The following PGCKA1 variants were observed in gnomAD, a reference collection of about 807,000 sequenced individuals.
PGCKA1 encodes the protein PDCD10 and GCKIII kinases-associated protein 1.
the PGCKA1 span, among the ~76,000 whole-genome samples, chr4:37,489,037 A>C: frequency 1.3e-5 from 2 of 152,166 alleles, no homozygotes; most frequent in Admixed American, 1.3e-4. Flanking sequence ...CACCTGTGAT[A>C]ATTGAGTATG....
the PGCKA1 span, among the ~76,000 whole-genome samples, chr4:37,488,764 C>G: frequency 6.6e-6 from 1 of 152,094 alleles, no homozygotes; most frequent in African/African-American, 2.4e-5. Context: ...GTGATTATCT[C>G]CCCGCTTTCC....
the PGCKA1 span, among the ~76,000 whole-genome samples, chr4:37,516,682 T>C: frequency 6.6e-6 from 1 of 152,196 alleles, no homozygotes; most frequent in Non-Finnish European, 1.5e-5. Flanking sequence ...ATGAATACTC[T>C]TGTGACACGC....
the PGCKA1 span, chr4:37,460,397 C>A: frequency 3.4e-6 from 1 of 296,496 alleles, no homozygotes; most frequent in Non-Finnish European, 6.7e-6. Context: ...GTTCTAGATC[C>A]TTGAGGAATT....
At chr4:37,556,018 C>G in the PGCKA1 span, among the ~76,000 whole-genome samples, 1 of 152,156 alleles carries the variant, frequency 6.6e-6, no homozygotes, top group Non-Finnish European at 1.5e-5. Flanking sequence ...CCACCCTATT[C>G]TTTCCACGTT....
chr4:37,468,999 T>TTA, the PGCKA1 span, among the ~76,000 whole-genome samples: 3 of 152,230 alleles, frequency 2.0e-5, no homozygotes. Flanking sequence ...CATATACCTC[T>TTA]TATACAATGT....
At chr4:37,585,621 AGAGGGGTGAGGAGAGGTGTTGAGGGAGGG>A in the PGCKA1 span, among the ~76,000 whole-genome samples, 7 of 8,362 alleles carry the variant, frequency 8.4e-4, no homozygotes, top group African/African-American at 2.4e-3. Context: ...TTGAGGAAGG[AGAGGGGTGAGGAGAGGTGTTGAGGGAGGG>A]GAGGAGGTGC....
At chr4:37,582,059 G>A in the PGCKA1 span, among the ~76,000 whole-genome samples, 4 of 152,170 alleles carry the variant, frequency 2.6e-5, no homozygotes, top group East Asian at 7.7e-4. Flanking sequence ...GAGTTCAAAC[G>A]CAAAGTCCCC....
chr4:37,560,244 T>C, the PGCKA1 span, among the ~76,000 whole-genome samples: 1 of 152,158 alleles, frequency 6.6e-6, no homozygotes, highest in Non-Finnish European at 1.5e-5. Flanking sequence ...CCCCCTAACC[T>C]CATTAGGATC....
chr4:37,455,397 A>C, the PGCKA1 span, among the ~76,000 whole-genome samples: 1 of 152,240 alleles, frequency 6.6e-6, no homozygotes, highest in Non-Finnish European at 1.5e-5. Context: ...CTAAAGTGTG[A>C]AGAGTCAGCT....
the PGCKA1 span, among the ~76,000 whole-genome samples, chr4:37,549,536 C>A: frequency 6.6e-6 from 1 of 152,132 alleles, no homozygotes; most frequent in Admixed American, 6.6e-5. Context: ...AACATAAAGT[C>A]CCCCCATGCT....
the PGCKA1 span, among the ~76,000 whole-genome samples, chr4:37,466,202 T>C: frequency 1.3e-5 from 2 of 152,210 alleles, no homozygotes; most frequent in African/African-American, 4.8e-5. Flanking sequence ...AGCATACCTG[T>C]ACAAGCCATC....
At chr4:37,492,920 G>C in the PGCKA1 span, among the ~76,000 whole-genome samples, 1 of 152,088 alleles carries the variant, frequency 6.6e-6, no homozygotes. This position sits in a 1 kb window ranked among gnomAD's most constrained non-coding sequence, Gnocchi z 4.7. Context: ...GCCAGCCCTG[G>C]TTCAGCTTTC....
At chr4:37,526,577 A>G in the PGCKA1 span, among the ~76,000 whole-genome samples, 16 of 152,196 alleles carry the variant, frequency 1.1e-4, no homozygotes, top group African/African-American at 3.6e-4. Flanking sequence ...CCTCATAACG[A>G]TGTTTTGGTC....
the PGCKA1 span, among the ~76,000 whole-genome samples, chr4:37,543,105 AT>A: frequency 1.1e-4 from 16 of 152,018 alleles, no homozygotes; most frequent in African/African-American, 3.9e-4. Flanking sequence ...CTGTAAGCAC[AT>A]TTTTCTTTTC....
chr4:37,458,829 G>A, the PGCKA1 span, among the ~76,000 whole-genome samples: 1 of 152,150 alleles, frequency 6.6e-6, no homozygotes, highest in African/African-American at 2.4e-5. Context: ...ATTCAGGGAG[G>A]GATGGAGAAT....
At chr4:37,539,378 C>T in the PGCKA1 span, among the ~76,000 whole-genome samples, 4 of 152,122 alleles carry the variant, frequency 2.6e-5, no homozygotes, top group South Asian at 2.1e-4. Flanking sequence ...CTGTGGCAGC[C>T]GGGCGCGGTG....
chr4:37,512,794 A>T, the PGCKA1 span, among the ~76,000 whole-genome samples: 2 of 152,052 alleles, frequency 1.3e-5, no homozygotes, highest in Non-Finnish European at 2.9e-5. Flanking sequence ...TATTACAAAT[A>T]AATCTCATTT....
the PGCKA1 span, among the ~76,000 whole-genome samples, chr4:37,585,912 ATATACC>A: frequency 1.3e-5 from 2 of 151,858 alleles, no homozygotes; most frequent in Non-Finnish European, 2.9e-5. Context: ...GTTGATAGAA[ATATACC>A]ATGTAGCCCT....
chr4:37,581,814 G>A, the PGCKA1 span, among the ~76,000 whole-genome samples: 1 of 152,112 alleles, frequency 6.6e-6, no homozygotes, highest in Non-Finnish European at 1.5e-5. This position sits in a 1 kb window ranked among gnomAD's most constrained non-coding sequence, Gnocchi z 4.4. Context: ...CTGATATCTT[G>A]CCTAGGAACC....
Sources: gnomAD v4.1 joint callset for allele counts (sites outside exome capture counted in the v4.1 genomes callset) on GRCh38, gnomAD v4.1.1 for gene constraint, Gnocchi (gnomAD v3.1) non-coding constraint, MANE v1.5 for transcripts, NCBI Gene and HGNC (gene_info 2026-07-23, HGNC 2026-07-21) for gene names.